PARP16: variants seen among roughly 807,000 people sequenced by gnomAD.
The protein encoded by PARP16 is protein mono-ADP-ribosyltransferase PARP16.
Under a neutral mutation model 35.0 loss-of-function variants are expected in PARP16, and 31 were observed. The observed-to-expected ratio is 0.88, with a 90% CI of 0.66 to 1.19. The LOEUF is 1.19. Ranked by LOEUF, PARP16 falls within the 50% of genes most tolerant of loss-of-function variation. PARP16 has a pLI of 0.00. For missense variants in PARP16, 424 were observed against 411.2 expected, an observed-to-expected ratio of 1.03 and a Z score of -0.27; for synonymous variants, 162 against 169.5, an observed-to-expected ratio of 0.96 and a Z score of 0.34.
downstream of PARP16, among the ~76,000 whole-genome samples, chr15:65,255,740 T>TA (rs1380220446): frequency 2.2e-5 from 1 of 44,778 alleles, no homozygotes; most frequent in African/African-American, 8.7e-5. Context: ...AGCAGAAAAC[T>TA]CAGAAAAAAA....
intron 2 of PARP16, among the ~76,000 whole-genome samples, chr15:65,268,840 C>T (rs113465080): frequency 0.016 from 2,379 of 152,246 alleles, 73 homozygotes; most frequent in African/African-American, 0.055. Flanking sequence ...CTGCAGCCTC[C>T]ACCTCCCAGG....
Position 65,260,967 on chromosome 15 carries a change from G to A in PARP16, c.751C>T (p.Pro251Ser), listed in dbSNP as rs752090645. ...RIKHSEGGDI[P>S]PKYFVVTNNQ... ...TTGGTGACCACGAAGTACTTGGGAG[G>A]GATGTCTCCCCCTTCACTATGTTTG... Residue 251 changes from proline (P) to serine (S), a missense_variant, in exon 5 of 6, where the codon CCT becomes TCT. By Grantham distance (74) the Pro-to-Ser change is moderately conservative. Coordinates refer to ENST00000649807, the MANE Select transcript of PARP16 (RefSeq NM_001316943.2). The A allele has an allele frequency of 6.2e-7, 1 of 1,611,470 alleles. No individual in the cohort carries two copies. Among genetic ancestry groups the A allele is most frequent in the South Asian group, 1.1e-5 (1 of 91,024 alleles).
rs974458945 is a variant in PARP16 at position 65,286,580 on chromosome 15, G to A, written c.-154C>T. ...CTAGGCAGGGGGCTGAGATGACAGG[G>A]GTGAGAACGTGCCGACAAGTGTCCT... On this transcript the variant is annotated 5_prime_UTR_variant, in exon 1 of 6. Coordinates refer to ENST00000649807, the MANE Select transcript of PARP16 (RefSeq NM_001316943.2). The A allele has an allele frequency of 2.7e-5, 14 of 527,834 alleles. No individual in the cohort carries two copies. Among genetic ancestry groups the A allele is most frequent in the Non-Finnish European group, 4.2e-5 (13 of 309,334 alleles). The allele number at this position is 527,834 out of a possible 1,614,324, so 32.7% of individuals were successfully genotyped here.
chr15:65,271,289 T>G (rs2140915934), intron 1 of PARP16, among the ~76,000 whole-genome samples: 1 of 152,222 alleles, frequency 6.6e-6, no homozygotes, highest in East Asian at 1.9e-4. Flanking sequence ...TTGTTTTGTT[T>G]TTGAGACAGG....
chr15:65,259,553 G>A lies in PARP16; in HGVS notation c.834-11C>T. On this transcript the variant is annotated splice_polypyrimidine_tract_variant and intron_variant, in intron 5 of 5. Transcript: ENST00000649807. ...AGCTGGCTCGAAGCCCTGCTTAAGA[G>A]GGAAAAAAGAGTGGTGTTGGCAAAA... 6.2e-7 allele frequency: 1 copy of A among 1,611,678 alleles called. No homozygotes were observed. The highest frequency in any genetic ancestry group is 8.5e-7 in the Non-Finnish European group (1 of 1,179,092).
downstream of PARP16, among the ~76,000 whole-genome samples, chr15:65,257,718 C>T (rs74740341): frequency 6.6e-6 from 1 of 152,026 alleles, no homozygotes; most frequent in African/African-American, 2.4e-5. Context: ...ACATGTGTCA[C>T]CTGAGTATTT....
At chr15:65,276,447 C>T (rs2090258069) in intron 1 of PARP16, among the ~76,000 whole-genome samples, 1 of 152,124 alleles carries the variant, frequency 6.6e-6, no homozygotes, top group South Asian at 2.1e-4. Flanking sequence ...GATCACAGCT[C>T]ACAGCAGCCT....
At chr15:65,254,312 C>T (rs903779401), downstream of PARP16, among the ~76,000 whole-genome samples, 1 of 152,146 alleles carries the variant, frequency 6.6e-6, no homozygotes, top group African/African-American at 2.4e-5. Context: ...TCTATCTTTA[C>T]TTGGGAATGT....
intron 3 of PARP16, among the ~76,000 whole-genome samples, chr15:65,243,254 TTTG>T (rs939938576): frequency 6.6e-6 from 1 of 152,108 alleles, no homozygotes; most frequent in African/African-American, 2.4e-5. Flanking sequence ...GAAGTATGAT[TTTG>T]TTGTTGTTTT....
intron 5 of PARP16, among the ~76,000 whole-genome samples, chr15:65,259,974 T>A (rs918840870): frequency 1.3e-5 from 2 of 152,140 alleles, no homozygotes; most frequent in African/African-American, 2.4e-5. Context: ...TAGGAGATGA[T>A]CTAAACCACC....
chr15:65,255,743 G>GAAA (rs56665485), downstream of PARP16, among the ~76,000 whole-genome samples: 2 of 57,146 alleles, frequency 3.5e-5, no homozygotes, highest in African/African-American at 8.5e-5. Flanking sequence ...AGAAAACTCA[G>GAAA]AAAAAAAAAA....
rs753849578 is a variant in PARP16 at position 65,263,260 on chromosome 15, T to C, written c.580A>G (p.Ser194Gly). Reference protein sequence around the residue: ...TSDLSLALIYSPHGHGWQHSL... With the variant: ...TSDLSLALIYGPHGHGWQHSL... ...TGCTGCCACCCATGGCCATGGGGGC[T>C]GTATATGAGGGCCAGGCTCAAGTCA... The change falls in exon 4 of 6, where the codon AGC becomes GGC. Residue 194 changes from serine to glycine, a missense_variant. Ser to Gly is a moderately conservative substitution (Grantham distance 56). Transcript: ENST00000649807. 20 of 1,613,426 alleles carry C rather than the reference T, an allele frequency of 1.2e-5. No individual in the cohort carries two copies. In the Admixed American group the frequency reaches 3.3e-4, roughly 27 times the overall value.
chr15:65,239,456 G>GA (rs1567007942), intron 3 of PARP16, among the ~76,000 whole-genome samples: 1 of 60,268 alleles, frequency 1.7e-5, no homozygotes, highest in African/African-American at 5.4e-5. Context: ...AAAAAAAAGA[G>GA]AGAAAAGAAA....
intron 1 of PARP16, among the ~76,000 whole-genome samples, chr15:65,274,213 T>C (rs180760648): frequency 1.9e-4 from 28 of 149,686 alleles, no homozygotes; most frequent in Admixed American, 1.7e-3. Context: ...CAAAGTGCTG[T>C]GATTACAGGC....
intron 1 of PARP16, among the ~76,000 whole-genome samples, chr15:65,280,848 G>A (rs1287275684): frequency 6.6e-6 from 1 of 152,182 alleles, no homozygotes; most frequent in African/African-American, 2.4e-5. Context: ...GGACCAGGAG[G>A]CCCAATTAGA....
downstream of PARP16, among the ~76,000 whole-genome samples, chr15:65,231,977 T>G (rs572114245): frequency 1.3e-5 from 2 of 152,342 alleles, no homozygotes; most frequent in South Asian, 4.1e-4. Context: ...TATAATTCTT[T>G]TTAAAAATTT....
At chr15:65,262,738 G>A (rs184225549) in intron 4 of PARP16, among the ~76,000 whole-genome samples, 15 of 152,226 alleles carry the variant, frequency 9.9e-5, no homozygotes, top group Admixed American at 3.3e-4. Context: ...GCTTTCTGCC[G>A]ATACCCGGTG....
At chr15:65,253,920 C>T (rs1275905901), downstream of PARP16, among the ~76,000 whole-genome samples, 3 of 152,042 alleles carry the variant, frequency 2.0e-5, no homozygotes, top group East Asian at 1.9e-4. Context: ...CAGGTTCAAC[C>T]GATTCTCCTG....
chr15:65,274,577 TAAA>T (rs35324263), intron 1 of PARP16, among the ~76,000 whole-genome samples: 11 of 140,128 alleles, frequency 7.8e-5, no homozygotes, highest in Non-Finnish European at 9.2e-5. Context: ...CTGTCTCGAA[TAAA>T]AAAAAAAAAA....
Sources: allele counts gnomAD v4.1 joint callset (sites outside exome capture counted in the v4.1 genomes callset), GRCh38; gene constraint gnomAD v4.1.1; transcripts MANE v1.5; gene names NCBI Gene and HGNC (gene_info 2026-07-23, HGNC 2026-07-21).